SEMA6D: variants seen among roughly 807,000 people sequenced by gnomAD.
SEMA6D encodes semaphorin 6D.
SEMA6D carries 35 observed loss-of-function variants against 106.6 expected under a neutral mutation model. The observed-to-expected ratio is 0.33, with a 90% confidence interval of 0.25 to 0.44. The LOEUF (loss-of-function observed/expected upper bound fraction) is 0.44. Among genes scored for constraint, SEMA6D ranks in the 20% least tolerant of loss-of-function variants. The pLI, the probability that SEMA6D is intolerant of heterozygous loss-of-function variation, is 1.00. For synonymous variants in SEMA6D, 499 were observed against 487.7 expected (o/e 1.02, Z -0.31); for missense variants, 1,185 against 1,345.9 (o/e 0.88, Z 1.87).
intron 1 of SEMA6D, among the ~76,000 whole-genome samples, chr15:47,367,045 C>T (rs78424241): frequency 0.054 from 8,184 of 152,220 alleles, 298 homozygotes; most frequent in Non-Finnish European, 0.083. Flanking sequence ...GTTATTTAGC[C>T]TCTGTTTACA....
intron 18 of SEMA6D, 115 bp downstream of exon 18, chr15:47,768,863 C>A: frequency 2.3e-6 from 2 of 876,230 alleles, no homozygotes; most frequent in Non-Finnish European, 3.4e-6. Context: ...GCGGTTGTAC[C>A]TCCACCGCCC....
chr15:47,747,489 A>G (rs1311785195), intron 1 of SEMA6D, among the ~76,000 whole-genome samples: 2 of 152,178 alleles, frequency 1.3e-5, no homozygotes, highest in Non-Finnish European at 2.9e-5. Flanking sequence ...TAAAGTGAAA[A>G]CCTTGCATAA....
intron 1 of SEMA6D, among the ~76,000 whole-genome samples, chr15:47,306,451 G>A (rs2036237150): frequency 6.6e-6 from 1 of 152,190 alleles, no homozygotes; most frequent in Non-Finnish European, 1.5e-5. Context: ...GCCAGGCATG[G>A]TGGCTTATGC....
intron 1 of SEMA6D, among the ~76,000 whole-genome samples, chr15:47,361,790 C>T (rs904287370): frequency 6.6e-6 from 1 of 152,158 alleles, no homozygotes; most frequent in Admixed American, 6.5e-5. Context: ...CGCCCCTCCA[C>T]TCTCTCCAGC....
chr15:47,343,581 T>C lies in SEMA6D; in HGVS notation c.-238-68812T>C, dbSNP rs543336939. 5.3e-5 allele frequency among the ~76,000 whole-genome samples: 8 copies of C among 152,248 alleles called. No homozygotes were observed. The South Asian group carries it at 8.3e-4, about 16-fold the overall frequency. ...TTCATCCATGTCCCTACAAAGGACA[T>C]GAACTCATCATTTTTTATGGCTGCC... is the stretch of plus-strand genomic sequence containing the variant. On this transcript the variant is annotated intron_variant, in intron 1 of 19. Coordinates refer to the SEMA6D transcript ENST00000558014.
chr15:47,239,888 C>A (rs1196853589), intron 1 of SEMA6D, among the ~76,000 whole-genome samples: 1 of 151,978 alleles, frequency 6.6e-6, no homozygotes, highest in East Asian at 1.9e-4. Context: ...TGTTATCTAC[C>A]CAACTAAGCT....
At chr15:47,506,599 A>ACACACACACACACACACAC (rs1555382656) in intron 3 of SEMA6D, among the ~76,000 whole-genome samples, 1 of 137,796 alleles carries the variant, frequency 7.3e-6, no homozygotes, top group African/African-American at 2.8e-5. Context: ...CACACACACA[A>ACACACACACACACACACAC]ACACACACAC....
chr15:47,585,208 C>T (rs1012781175), intron 3 of SEMA6D, among the ~76,000 whole-genome samples: 6 of 152,142 alleles, frequency 3.9e-5, no homozygotes, highest in Non-Finnish European at 7.3e-5. Flanking sequence ...TCTTACTTGA[C>T]GTTTAAGTGC....
chr15:47,534,531 A>C (rs2045090519), intron 3 of SEMA6D, among the ~76,000 whole-genome samples: 1 of 152,170 alleles, frequency 6.6e-6, no homozygotes, highest in African/African-American at 2.4e-5. Flanking sequence ...CAGCCTAATA[A>C]AATAATTTTC....
chr15:47,416,872 G>A (rs919508925), intron 2 of SEMA6D, among the ~76,000 whole-genome samples: 3 of 152,064 alleles, frequency 2.0e-5, no homozygotes, highest in Admixed American at 1.3e-4. Flanking sequence ...AATAGCCCAT[G>A]ACTAACAATA....
rs1193020099 is a variant in SEMA6D, at chr15:47,766,176, G to A, written c.1640G>A (p.Gly547Glu). The stretch of plus-strand genomic sequence containing the variant: ...GGATCCTGTGGTAGAGTGACCCCAG[G>A]GATGCTGTAAGTATACTTTGTCACA... ...SQGSCGRVTP[G>E]MLAEGYEQDT... The change falls in exon 15 of 19, where the codon GGG becomes GAG. Residue 547 changes from glycine (G) to glutamate (E), a missense_variant. Gly to Glu is a moderately conservative substitution (Grantham distance 98). Coordinates refer to ENST00000536845, the MANE Select transcript of SEMA6D (RefSeq NM_001358351.3). The A allele has an allele frequency of 1.4e-5, 22 of 1,612,884 alleles. 1 individual carries two copies. The highest frequency in any genetic ancestry group is 1.9e-5 in the Non-Finnish European group (22 of 1,179,270).
intron 3 of SEMA6D, among the ~76,000 whole-genome samples, chr15:47,493,429 A>T (rs937129520): frequency 6.6e-6 from 1 of 152,182 alleles, no homozygotes. Context: ...AACTTGCTCT[A>T]TCACAATATC....
At chr15:47,674,096 C>A (rs2078194054) in intron 4 of SEMA6D, among the ~76,000 whole-genome samples, 1 of 152,158 alleles carries the variant, frequency 6.6e-6, no homozygotes, top group African/African-American at 2.4e-5. Context: ...AACACAAAAC[C>A]AGCACTGGCT....
chr15:47,730,254 A>G (rs1037806999), intron 1 of SEMA6D: 1 of 1,541,900 alleles, frequency 6.5e-7, no homozygotes, highest in African/African-American at 1.4e-5. Flanking sequence ...ATCTCATCGT[A>G]TCTGTCGTTG....
intron 1 of SEMA6D, among the ~76,000 whole-genome samples, chr15:47,357,535 C>A (rs2038634090): frequency 6.6e-6 from 1 of 152,114 alleles, no homozygotes; most frequent in South Asian, 2.1e-4. Context: ...AGTTCCAAAA[C>A]TGAAGAATTT....
chr15:47,765,338 A>G, intron 13 of SEMA6D: 1 of 1,198,836 alleles, frequency 8.3e-7, no homozygotes, highest in Non-Finnish European at 1.0e-6. Context: ...TTGCAGATAT[A>G]TTCCAAGATG....
chr15:47,287,742 A>G (rs1226256419), intron 1 of SEMA6D, among the ~76,000 whole-genome samples: 1 of 152,150 alleles, frequency 6.6e-6, no homozygotes, highest in Non-Finnish European at 1.5e-5. Flanking sequence ...CCACTTATTC[A>G]CATTCACTTC....
At chr15:47,626,039 T>G (rs2077195766) in intron 4 of SEMA6D, among the ~76,000 whole-genome samples, 1 of 152,162 alleles carries the variant, frequency 6.6e-6, no homozygotes, top group Non-Finnish European at 1.5e-5. Flanking sequence ...TGAATGAGAT[T>G]GAGCCTTAGT....
At chr15:47,504,689 A>C (rs544366091) in intron 3 of SEMA6D, among the ~76,000 whole-genome samples, 2 of 152,252 alleles carry the variant, frequency 1.3e-5, no homozygotes, top group South Asian at 4.1e-4. Context: ...AGTGGAACTC[A>C]TCCCTTCTAA....
Sources: allele counts gnomAD v4.1 joint callset (sites outside exome capture counted in the v4.1 genomes callset), GRCh38; gene constraint gnomAD v4.1.1; transcripts MANE v1.5; gene names NCBI Gene and HGNC (gene_info 2026-07-23, HGNC 2026-07-21).